The following GON4L variants were observed in gnomAD, a reference collection of about 807,000 sequenced individuals.
GON4L encodes gon-4 like.
Under a neutral mutation model 211.8 loss-of-function variants are expected in GON4L, and 87 were observed. That is an observed-to-expected ratio of 0.41 (90% CI 0.35 to 0.49). The LOEUF is 0.49. Ranked by LOEUF, GON4L falls within the 20% of genes least tolerant of loss-of-function variation. The pLI, the probability that GON4L is intolerant of heterozygous loss-of-function variation, is 0.15. For missense variants in GON4L, 2,155 were observed against 2,659.5 expected (o/e 0.81, Z 4.17); for synonymous variants, 875 against 962.6 (o/e 0.91, Z 1.68).
rs1333449229 is a variant in GON4L, at chr1:155,750,655, T to C, written c.6655A>G (p.Thr2219Ala). 9 of 1,581,094 alleles carry C rather than the reference T, an allele frequency of 5.7e-6. No individual in the cohort carries two copies. Among genetic ancestry groups the C allele is most frequent in the South Asian group, 1.1e-5 (1 of 87,222 alleles). ...AGCTGGTCTGCATTGCTGGTACTGGTTGCATCATCCTCATCCTCAGAGCTG... is the reference window on the plus strand; with the variant it reads ...AGCTGGTCTGCATTGCTGGTACTGGCTGCATCATCCTCATCCTCAGAGCTG... ...EASSEDEDDA[T>A]STSNADQLSD... The change falls in exon 32 of 32, where the codon ACC becomes GCC. Residue 2219 changes from threonine to alanine, a missense_variant. By Grantham distance (58) the Thr-to-Ala change is moderately conservative. Transcript: ENST00000368331.
At chr1:155,794,807 A>G (rs758414158) in intron 12 of GON4L, among the ~76,000 whole-genome samples, 10 of 152,178 alleles carry the variant, frequency 6.6e-5, no homozygotes, top group Non-Finnish European at 1.3e-4. Flanking sequence ...TGTCTTATTC[A>G]TCTTGCACAA....
chr1:155,813,522 T>C, intron 10 of GON4L, 112 bp downstream of exon 10: 1 of 814,554 alleles, frequency 1.2e-6, no homozygotes, highest in Non-Finnish European at 2.1e-6. Context: ...TATCAAAGAC[T>C]AACTCTTACT....
At chr1:155,793,920 A>AT (rs1031666914) in intron 12 of GON4L, among the ~76,000 whole-genome samples, 1 of 151,052 alleles carries the variant, frequency 6.6e-6, no homozygotes, top group African/African-American at 2.4e-5. Flanking sequence ...CAATGATATA[A>AT]TTTTTTATAG....
chr1:155,855,426 A>T (rs1336070400), intron 1 of GON4L, among the ~76,000 whole-genome samples: 1 of 151,914 alleles, frequency 6.6e-6, no homozygotes, highest in Admixed American at 6.6e-5. Context: ...GCACGAACAT[A>T]GTTCGCTGCA....
chr1:155,748,482 C>T, downstream of GON4L: 6 of 1,612,840 alleles, frequency 3.7e-6, no homozygotes, highest in Non-Finnish European at 4.2e-6. Context: ...TGTTCCTCTC[C>T]AGTTTCCATG....
intron 2 of GON4L, chr1:155,846,105 C>T (rs1671209073): frequency 4.4e-6 from 1 of 229,434 alleles, no homozygotes; most frequent in South Asian, 7.9e-5. Context: ...TTTGTCAAGG[C>T]CTTTTACCTG....
chr1:155,821,983 C>T (rs1478574129), intron 4 of GON4L, among the ~76,000 whole-genome samples: 1 of 152,176 alleles, frequency 6.6e-6, no homozygotes, highest in East Asian at 1.9e-4. Context: ...AGTAAACCCA[C>T]TATGAACATT....
At chr1:155,751,073 C>CT (rs1178486493) in intron 31 of GON4L, among the ~76,000 whole-genome samples, 2 of 152,276 alleles carry the variant, frequency 1.3e-5, no homozygotes, top group East Asian at 3.9e-4. Context: ...CTCACTGATG[C>CT]TTTGTAACAA....
chr1:155,753,421 G>A lies in GON4L; in HGVS notation c.5632-7C>T. Reference sequence around the variant, plus strand: ...AGGATTTGCTGTCACAGACCTGCAGGGATGGTCTTCCGGGTCAAAGGTGTT... The same window carrying A: ...AGGATTTGCTGTCACAGACCTGCAGAGATGGTCTTCCGGGTCAAAGGTGTT... On this transcript the variant is annotated splice_region_variant and splice_polypyrimidine_tract_variant and intron_variant, in intron 28 of 31. Transcript: ENST00000368331. 3 of 1,608,662 alleles carry A rather than the reference G, an allele frequency of 1.9e-6. No homozygotes were observed. Among genetic ancestry groups the A allele is most frequent in the Non-Finnish European group, 2.6e-6 (3 of 1,175,952 alleles).
chr1:155,811,216 C>A lies in GON4L; in HGVS notation c.1452+2418G>T, dbSNP rs186069164. On this transcript the variant is annotated intron_variant, in intron 10 of 31. Coordinates refer to ENST00000368331, the MANE Select transcript of GON4L (RefSeq NM_001282860.2). ...GACCATCCTGGCTAACACGGTGAAA[C>A]CCCCATCTCTACTAAAAATACAAAA... is the stretch of plus-strand genomic sequence containing the variant. 5.9e-3 allele frequency among the ~76,000 whole-genome samples: 882 copies of A among 150,712 alleles called. 11 individuals carry two copies. The highest frequency in any genetic ancestry group is 0.021 in the African/African-American group (858 of 41,062).
At chr1:155,768,956 T>C (rs1662866637) in intron 19 of GON4L, among the ~76,000 whole-genome samples, 1 of 152,118 alleles carries the variant, frequency 6.6e-6, no homozygotes. Flanking sequence ...TCTGTGCACA[T>C]CTTTGTACTT....
In GON4L at chr1:155,750,384, C is replaced by G. The variant is rs1660449019; in HGVS notation, c.*200G>C. 1.6e-6 allele frequency: 1 copy of G among 633,170 alleles called. No individual in the cohort carries two copies. The highest frequency in any genetic ancestry group is 2.8e-6 in the Non-Finnish European group (1 of 354,474). The allele number at this position is 633,170 out of a possible 1,614,324, so 39.2% of individuals were successfully genotyped here. On this transcript the variant is annotated 3_prime_UTR_variant, in exon 32 of 32. Transcript: ENST00000368331. ...TTACAGAGGACATCTGTAAAGTCTT[C>G]ATAAAAGACCTTGAATGATGCCTAG...
At chr1:155,798,536 A>G (rs1666308090) in intron 11 of GON4L, among the ~76,000 whole-genome samples, 1 of 146,690 alleles carries the variant, frequency 6.8e-6, no homozygotes, top group Admixed American at 6.9e-5. Context: ...CAGCCTCCCA[A>G]GTAGCTGGGA....
At chr1:155,776,647 C>A (rs764483303) in intron 15 of GON4L, among the ~76,000 whole-genome samples, 166 bp from the exon 16 acceptor site, 3 of 152,042 alleles carry the variant, frequency 2.0e-5, no homozygotes, top group Non-Finnish European at 2.9e-5. Flanking sequence ...ACTTCCTGTG[C>A]TCAAGCAATC....
chr1:155,847,336 GCGGGC>G (rs2102459793), intron 2 of GON4L, among the ~76,000 whole-genome samples: 1 of 152,320 alleles, frequency 6.6e-6, no homozygotes, highest in African/African-American at 2.4e-5. Context: ...GGAGGCTGAG[GCGGGC>G]AGATGATCAC....
intron 1 of GON4L, among the ~76,000 whole-genome samples, chr1:155,855,005 C>T (rs974243980): frequency 2.0e-5 from 3 of 150,264 alleles, no homozygotes; most frequent in African/African-American, 7.4e-5. Flanking sequence ...CATTGCACTC[C>T]AGCCTGGGCA....
intron 19 of GON4L, among the ~76,000 whole-genome samples, chr1:155,768,876 A>G (rs949107316): frequency 2.6e-5 from 4 of 152,214 alleles, no homozygotes; most frequent in African/African-American, 9.7e-5. Context: ...CCGTGGTGCT[A>G]AGGCACTTGA....
intron 1 of GON4L, among the ~76,000 whole-genome samples, chr1:155,854,327 T>G (rs1451100502): frequency 6.6e-6 from 1 of 152,166 alleles, no homozygotes; most frequent in South Asian, 2.1e-4. Context: ...CTAATTTTTT[T>G]TGTATTTTTA....
chr1:155,800,979 C>T (rs575044358), intron 11 of GON4L, among the ~76,000 whole-genome samples: 1 of 151,260 alleles, frequency 6.6e-6, no homozygotes, highest in East Asian at 2.0e-4. Flanking sequence ...TTGAGCAAGA[C>T]AATGAATTTC....
Sources: gnomAD v4.1 joint callset for allele counts (sites outside exome capture counted in the v4.1 genomes callset) on GRCh38, gnomAD v4.1.1 for gene constraint, MANE v1.5 for transcripts, NCBI Gene and HGNC (gene_info 2026-07-23, HGNC 2026-07-21) for gene names.